The following ANK2 variants were observed in gnomAD, a reference collection of about 807,000 sequenced individuals.
ANK2 encodes ankyrin-2.
In ANK2, 83 loss-of-function variants were observed where a neutral mutation model predicts 360.5. That is an observed-to-expected ratio of 0.23 (90% CI 0.19 to 0.28). The LOEUF (loss-of-function observed/expected upper bound fraction) is 0.28, where lower values mean the gene tolerates loss of function less well. Among genes scored for constraint, ANK2 ranks in the 10% least tolerant of loss-of-function variants. The pLI, the probability that ANK2 is intolerant of heterozygous loss-of-function variation, is 1.00. For synonymous variants in ANK2, 1,740 were observed against 1,759.5 expected (o/e 0.99, Z 0.28); for missense variants, 4,201 against 4,795.7 (o/e 0.88, Z 3.66).
intron 23 of ANK2, among the ~76,000 whole-genome samples, chr4:113,303,974 T>TCACC (rs1277181455): frequency 6.6e-6 from 1 of 152,246 alleles, no homozygotes; most frequent in Non-Finnish European, 1.5e-5. Flanking sequence ...ACTTGTTGAA[T>TCACC]CACCTATTGG....
chr4:113,342,918 A>G lies in ANK2; in HGVS notation c.4123-99A>G, dbSNP rs1342975539. On this transcript the variant is annotated intron_variant, in intron 33 of 45. Transcript: ENST00000357077. ...ATTTAAAGATGGTTGTATGTGTATTATAAGAATTTGAAGTTCCAAGTAGTA... is the reference window on the plus strand; with the variant it reads ...ATTTAAAGATGGTTGTATGTGTATTGTAAGAATTTGAAGTTCCAAGTAGTA... The G allele has an allele frequency of 2.7e-6, 4 of 1,454,630 alleles. No homozygotes were observed. The Admixed American group carries it at 5.0e-5, about 18-fold the overall frequency. 90.1% of individuals were successfully genotyped at this position (1,454,630 alleles called of 1,614,324 possible). A position where few individuals can be genotyped will look rare whatever the true frequency, so the allele number is the denominator to read the frequency against.
intron 2 of ANK2, among the ~76,000 whole-genome samples, chr4:112,998,793 T>C (rs1007698515): frequency 5.3e-5 from 8 of 152,210 alleles, no homozygotes; most frequent in African/African-American, 1.7e-4. Flanking sequence ...CAGCATTGCC[T>C]AAACATGTTT....
At chr4:112,894,503 G>A (rs1427705023) in intron 1 of ANK2, among the ~76,000 whole-genome samples, 1 of 152,164 alleles carries the variant, frequency 6.6e-6, no homozygotes. Flanking sequence ...GCTGTTCTAT[G>A]TAAGAGTTGA....
intron 23 of ANK2, among the ~76,000 whole-genome samples, chr4:113,310,407 AAG>A (rs558753833): frequency 1.4e-4 from 21 of 152,068 alleles, no homozygotes; most frequent in Non-Finnish European, 2.6e-4. Context: ...GGGGGAAAGA[AAG>A]AGTATATAAG....
At chr4:113,139,736 T>A (rs1476491897) in intron 1 of ANK2, among the ~76,000 whole-genome samples, 1 of 152,192 alleles carries the variant, frequency 6.6e-6, no homozygotes, top group Non-Finnish European at 1.5e-5. Context: ...GTGTTGGGCA[T>A]TGCGTGGAGT....
Position 112,896,939 on chromosome 4 carries a change from G to A in ANK2, c.-39-7516G>A, listed in dbSNP as rs185505921. Among the ~76,000 whole-genome samples, 5 of 149,020 alleles carry A rather than the reference G, an allele frequency of 3.4e-5. No individual in the cohort carries two copies. In the East Asian group the frequency reaches 8.7e-4, roughly 26 times the overall value. ...CAACATATGAACTACATACAGATAC[G>A]CCAATAAAGTGAAGCCTCTGTATGA... On this transcript the variant is annotated intron_variant, in intron 1 of 30. Coordinates refer to the ANK2 transcript ENST00000503271.
At chr4:112,997,735 ATG>A (rs1203295156) in intron 2 of ANK2, among the ~76,000 whole-genome samples, 1 of 152,004 alleles carries the variant, frequency 6.6e-6, no homozygotes, top group Admixed American at 6.6e-5. Context: ...ACAACATGGT[ATG>A]TATATATATG....
intron 41 of ANK2, among the ~76,000 whole-genome samples, chr4:113,367,351 A>C (rs959737377): frequency 6.6e-6 from 1 of 152,028 alleles, no homozygotes; most frequent in East Asian, 1.9e-4. Context: ...GTTGCTCTGC[A>C]CTGGAATTGA....
At chr4:112,901,289 A>G (rs562102333) in intron 1 of ANK2, among the ~76,000 whole-genome samples, 2 of 152,274 alleles carry the variant, frequency 1.3e-5, no homozygotes, top group Non-Finnish European at 2.9e-5. Flanking sequence ...TTGGATAACT[A>G]TAAGGTATAA....
intron 2 of ANK2, among the ~76,000 whole-genome samples, chr4:112,956,421 C>A (rs2095332136): frequency 6.6e-6 from 1 of 152,140 alleles, no homozygotes; most frequent in Admixed American, 6.5e-5. Context: ...CTTTGTCACA[C>A]CTGAATTGCC....
the ANK2 span, among the ~76,000 whole-genome samples, chr4:112,805,997 A>AATTGTATCACATTGT: frequency 6.6e-6 from 1 of 152,180 alleles, no homozygotes; most frequent in Non-Finnish European, 1.5e-5. Context: ...AATGTGTAAT[A>AATTGTATCACATTGT]ATCACATCAG....
upstream of ANK2, among the ~76,000 whole-genome samples, chr4:112,813,846 T>C (rs1054610223): frequency 2.1e-4 from 32 of 152,170 alleles, no homozygotes; most frequent in African/African-American, 7.2e-4. Context: ...AGATTTCCCT[T>C]AAAAGAAATA....
the ANK2 span, among the ~76,000 whole-genome samples, chr4:112,714,951 A>G: frequency 6.6e-6 from 1 of 152,186 alleles, no homozygotes; most frequent in Non-Finnish European, 1.5e-5. Flanking sequence ...TACATAACAA[A>G]CCCCATCAAA....
intron 2 of ANK2, among the ~76,000 whole-genome samples, chr4:112,970,854 C>T (rs2039277090): frequency 6.6e-6 from 1 of 150,674 alleles, no homozygotes; most frequent in South Asian, 2.1e-4. Flanking sequence ...TTAAGTGTCC[C>T]ACTAAAAAAA....
intron 1 of ANK2, among the ~76,000 whole-genome samples, chr4:113,125,474 A>G (rs1399343638): frequency 6.6e-6 from 1 of 152,204 alleles, no homozygotes; most frequent in Non-Finnish European, 1.5e-5. Context: ...AAGTTAATAA[A>G]GTATATTTAT....
chr4:113,102,471 T>G (rs1408585124), intron 1 of ANK2, among the ~76,000 whole-genome samples: 1 of 152,066 alleles, frequency 6.6e-6, no homozygotes, highest in Non-Finnish European at 1.5e-5. Context: ...TTTACCACCA[T>G]GGGAGCAGAT....
At chr4:112,809,048 G>A in the ANK2 span, among the ~76,000 whole-genome samples, 2 of 151,234 alleles carry the variant, frequency 1.3e-5, no homozygotes, top group Non-Finnish European at 2.9e-5. Context: ...TAGTAGAGAC[G>A]GCATTTCACC....
intron 1 of ANK2, among the ~76,000 whole-genome samples, chr4:113,104,587 C>T (rs1370121229): frequency 2.6e-5 from 4 of 152,086 alleles, no homozygotes; most frequent in East Asian, 1.9e-4. Flanking sequence ...TGGTAACACA[C>T]GTCTGTGGTC....
intron 2 of ANK2, among the ~76,000 whole-genome samples, chr4:112,932,491 CAAAAAAAAAAA>C (rs750709290): frequency 3.7e-5 from 2 of 54,618 alleles, no homozygotes; most frequent in Admixed American, 1.7e-4. Context: ...GACTCCGTCT[CAAAAAAAAAAA>C]AAAAAAAAAA....
Sources: allele counts gnomAD v4.1 joint callset (sites outside exome capture counted in the v4.1 genomes callset), GRCh38; gene constraint gnomAD v4.1.1; transcripts MANE v1.5; gene names NCBI Gene and HGNC (gene_info 2026-07-23, HGNC 2026-07-21).